ADCY2: variants seen among roughly 807,000 people sequenced by gnomAD.
ADCY2 encodes adenylate cyclase type 2.
A neutral mutation model predicts 125.2 loss-of-function variants in ADCY2; 31 were observed. That is an observed-to-expected ratio of 0.25 (90% CI 0.19 to 0.33). The LOEUF is 0.33. Among genes scored for constraint, ADCY2 ranks in the 10% least tolerant of loss-of-function variants. The pLI, the probability that ADCY2 is intolerant of heterozygous loss-of-function variation, is 1.00. For missense variants in ADCY2, 904 were observed against 1,418.2 expected (o/e 0.64, Z 5.82); for synonymous variants, 512 against 548.4 (o/e 0.93, Z 0.93).
chr5:7,706,607 C>T, intron 7 of ADCY2, 137 bp from the exon 8 acceptor site: 1 of 939,132 alleles, frequency 1.1e-6, no homozygotes, highest in Non-Finnish European at 1.6e-6. Flanking sequence ...GAGGAGTGAT[C>T]TCCTGCCATA....
At chr5:7,501,653 C>CCCT (rs1579509615) in intron 2 of ADCY2, among the ~76,000 whole-genome samples, 1 of 105,134 alleles carries the variant, frequency 9.5e-6, no homozygotes. Flanking sequence ...CCCTCCCCCC[C>CCCT]CCCCCGCCAG....
At chr5:7,498,208 A>G (rs1274045414) in intron 2 of ADCY2, among the ~76,000 whole-genome samples, 3 of 147,140 alleles carry the variant, frequency 2.0e-5, no homozygotes, top group East Asian at 2.0e-4. Flanking sequence ...TGACAAGGAT[A>G]TAGAGTAAGT....
intron 2 of ADCY2, among the ~76,000 whole-genome samples, chr5:7,513,144 GAGAA>G (rs1744134121): frequency 6.6e-6 from 1 of 151,904 alleles, no homozygotes. Context: ...GAGAGAGAGA[GAGAA>G]AGATCTGGGG....
chr5:7,594,129 T>A (rs986314612), intron 3 of ADCY2, among the ~76,000 whole-genome samples: 1 of 152,200 alleles, frequency 6.6e-6, no homozygotes, highest in African/African-American at 2.4e-5. Flanking sequence ...GGTCTGACTT[T>A]CATCCAATCT....
At chr5:7,824,544 ATCT>A (rs1745407325) in intron 24 of ADCY2, among the ~76,000 whole-genome samples, 1 of 152,160 alleles carries the variant, frequency 6.6e-6, no homozygotes, top group Non-Finnish European at 1.5e-5. Flanking sequence ...GGTTTTCTTC[ATCT>A]TCTTTCAGCT....
chr5:7,756,803 G>GATTTAAA (rs1743006134), intron 15 of ADCY2, among the ~76,000 whole-genome samples: 1 of 152,146 alleles, frequency 6.6e-6, no homozygotes, highest in Admixed American at 6.5e-5. Flanking sequence ...ACTTGAAAAT[G>GATTTAAA]GTTTAAAGGG....
At chr5:7,708,224 C>A in intron 9 of ADCY2, 1 of 158,156 alleles carries the variant, frequency 6.3e-6, no homozygotes, top group Non-Finnish European at 1.4e-5. Context: ...AGATAAAAAT[C>A]CAATTAAGTA....
chr5:7,714,356 A>T (rs953149620), intron 11 of ADCY2, among the ~76,000 whole-genome samples: 3 of 152,202 alleles, frequency 2.0e-5, no homozygotes, highest in Non-Finnish European at 4.4e-5. Context: ...AGAAGTTACG[A>T]TGGGTAATGT....
intron 7 of ADCY2, among the ~76,000 whole-genome samples, chr5:7,698,881 A>G (rs1489073133): frequency 6.6e-6 from 1 of 152,134 alleles, no homozygotes. Context: ...AGAATGATTT[A>G]TAATCCTTTG....
chr5:7,511,522 C>T (rs934692947), intron 2 of ADCY2, among the ~76,000 whole-genome samples: 35 of 152,116 alleles, frequency 2.3e-4, no homozygotes, highest in African/African-American at 8.4e-4. Flanking sequence ...CTGCAGTGAG[C>T]TGAGATCGCA....
At chr5:7,684,525 A>G (rs910182377) in intron 4 of ADCY2, among the ~76,000 whole-genome samples, 1 of 152,202 alleles carries the variant, frequency 6.6e-6, no homozygotes, top group Non-Finnish European at 1.5e-5. Flanking sequence ...TTATAATTTG[A>G]CTTGATTAGC....
intron 2 of ADCY2, among the ~76,000 whole-genome samples, chr5:7,433,787 G>A (rs889641415): frequency 1.3e-5 from 2 of 152,014 alleles, no homozygotes; most frequent in African/African-American, 4.8e-5. Flanking sequence ...ATGTGGCAGG[G>A]GTGAAATTAA....
At chr5:7,641,809 G>A (rs2126674358) in intron 4 of ADCY2, among the ~76,000 whole-genome samples, 1 of 152,048 alleles carries the variant, frequency 6.6e-6, no homozygotes, top group Non-Finnish European at 1.5e-5. Flanking sequence ...AATTTGCTTA[G>A]GATTATGGCC....
At chr5:7,417,710 A>G (rs978926661) in intron 2 of ADCY2, among the ~76,000 whole-genome samples, 4 of 152,168 alleles carry the variant, frequency 2.6e-5, no homozygotes, top group African/African-American at 9.7e-5. Context: ...AGGCAACATC[A>G]CTCACCTTGC....
At chr5:7,665,688 G>A (rs953062194) in intron 4 of ADCY2, among the ~76,000 whole-genome samples, 4 of 152,010 alleles carry the variant, frequency 2.6e-5, no homozygotes, top group Non-Finnish European at 4.4e-5. Context: ...CATCGCTGGA[G>A]AGACACTGGC....
At chr5:7,399,296 A>G (rs879495881) in intron 1 of ADCY2, among the ~76,000 whole-genome samples, 2 of 152,244 alleles carry the variant, frequency 1.3e-5, no homozygotes, top group Non-Finnish European at 2.9e-5. Flanking sequence ...TTGGACTACA[A>G]AATGCTCTTA....
At chr5:7,458,612 T>C (rs931575497) in intron 2 of ADCY2, among the ~76,000 whole-genome samples, 6 of 152,188 alleles carry the variant, frequency 3.9e-5, no homozygotes, top group Non-Finnish European at 7.3e-5. Context: ...TAATGGCGTT[T>C]CTGTCTAACA....
intron 2 of ADCY2, among the ~76,000 whole-genome samples, chr5:7,494,091 G>A (rs951182338): frequency 2.0e-5 from 3 of 152,140 alleles, no homozygotes; most frequent in Admixed American, 6.5e-5. Context: ...GGGGCCCCCA[G>A]TGATGAGAGG....
At chr5:7,496,183 A>C (rs1304421474) in intron 2 of ADCY2, among the ~76,000 whole-genome samples, 1 of 152,230 alleles carries the variant, frequency 6.6e-6, no homozygotes. Context: ...AGTTCTGATA[A>C]ATCCACTCTA....
Sources: gnomAD v4.1 joint callset for allele counts (sites outside exome capture counted in the v4.1 genomes callset) on GRCh38, gnomAD v4.1.1 for gene constraint, MANE v1.5 for transcripts, NCBI Gene and HGNC (gene_info 2026-07-23, HGNC 2026-07-21) for gene names.